The following SSC4D variants were observed in gnomAD, a reference collection of about 807,000 sequenced individuals.
SSC4D encodes the protein scavenger receptor cysteine-rich domain-containing group B protein.
A neutral mutation model predicts 63.4 loss-of-function variants in SSC4D; 57 were observed. That is an observed-to-expected ratio of 0.90 (90% confidence interval 0.73 to 1.12). The LOEUF is 1.12. SSC4D is among the 50% of genes most tolerant of loss of function. The probability of loss-of-function intolerance (pLI) is 0.00; values close to 1 mark genes in which losing one functional copy is unlikely to be tolerated. For missense variants in SSC4D, 791 were observed against 806.4 expected, an observed-to-expected ratio of 0.98 and a Z score of 0.23; for synonymous variants, 352 against 345.4, an observed-to-expected ratio of 1.02 and a Z score of -0.21.
At chr7:76,397,459 A>C (rs562448682) in intron 6 of SSC4D, 59 bp downstream of exon 6, 25 of 1,435,402 alleles carry the variant, frequency 1.7e-5, no homozygotes, top group Non-Finnish European at 2.2e-5. Context: ...CTCCTCCAGC[A>C]TTGCCACAGG....
rs139031646 is a variant in SSC4D, at chr7:76,399,426, T to C, written c.476-629A>G. On this transcript the variant is annotated intron_variant, in intron 4 of 10. Coordinates refer to ENST00000275560, the MANE Select transcript of SSC4D (RefSeq NM_080744.2). Reference sequence around the variant, plus strand: ...AACTCTGGGATTGGGCCTCAATCTGTGTTTTCATGAGACCCCCTGATTTTC... The same window carrying C: ...AACTCTGGGATTGGGCCTCAATCTGCGTTTTCATGAGACCCCCTGATTTTC... Among the ~76,000 whole-genome samples the C allele has an allele frequency of 4.5e-3, 689 of 152,288 alleles. 8 individuals are homozygous for C. The highest frequency in any genetic ancestry group is 0.016 in the African/African-American group (657 of 41,560).
chr7:76,392,570 C>T (rs1804516066), intron 9 of SSC4D, among the ~76,000 whole-genome samples: 1 of 150,458 alleles, frequency 6.6e-6, no homozygotes, highest in South Asian at 2.1e-4. Context: ...GTGAGAGGAT[C>T]GCTTGAAGCC....
At chr7:76,404,567 G>T in intron 1 of SSC4D, 62 bp from the exon 2 acceptor site, 1 of 1,412,620 alleles carries the variant, frequency 7.1e-7, no homozygotes. Flanking sequence ...CGAGGTGGGA[G>T]GATTGCTTGC....
At chr7:76,407,865 A>G (rs1380618589) in intron 1 of SSC4D, among the ~76,000 whole-genome samples, 2 of 152,172 alleles carry the variant, frequency 1.3e-5, no homozygotes, top group African/African-American at 4.8e-5. Context: ...GGTCTGATGC[A>G]TTGTGTGCAC....
intron 10 of SSC4D, among the ~76,000 whole-genome samples, chr7:76,391,203 G>C (rs1804487908): frequency 6.6e-6 from 1 of 151,934 alleles, no homozygotes; most frequent in Admixed American, 6.6e-5. Context: ...GGAAGCCAAG[G>C]CTGGTGGATC....
Position 76,400,572 on chromosome 7 carries a change from G to C in SSC4D, c.189C>G (p.Gly63=). The C allele has an allele frequency of 6.7e-7, 1 of 1,484,130 alleles. No homozygotes were observed. The highest frequency in any genetic ancestry group is 9.0e-7 in the Non-Finnish European group (1 of 1,112,956). The allele number at this position is 1,484,130 out of a possible 1,614,324, so 91.9% of individuals were successfully genotyped here. The change falls in exon 4 of 11, where the codon GGC becomes GGG. Residue 63 remains glycine (G), a synonymous_variant. Transcript: ENST00000275560. ...LPFQELRLVG[G]PSRCRGRLEV... is the part of the protein sequence containing the mutation. ...CCAGGCGGCCCCGGCAGCGGCTGGGGCCCCCCACCAGCCTCAGCTCTGTGA... is the reference window on the plus strand; with the variant it reads ...CCAGGCGGCCCCGGCAGCGGCTGGGCCCCCCCACCAGCCTCAGCTCTGTGA...
rs1024208117 is a variant in SSC4D at position 76,393,322 on chromosome 7, G to T, written c.1333+83C>A. ...CCCGGGCGGCAGTGCCGCAAGAGAG[G>T]CCTCGCGCGTGGCGCCGCCCCGCCC... On this transcript the variant is annotated intron_variant, in intron 9 of 10. Transcript: ENST00000275560. The T allele has an allele frequency of 2.4e-6, 3 of 1,260,254 alleles. No homozygotes were observed. The Admixed American group carries it at 1.3e-4, about 53-fold the overall frequency. 78.1% of individuals were successfully genotyped at this position (1,260,254 alleles called of 1,614,324 possible).
In SSC4D at chr7:76,395,285, C is replaced by A; in HGVS notation, c.914G>T (p.Arg305Ile). 6.2e-7 allele frequency: 1 copy of A among 1,613,926 alleles called. No individual in the cohort carries two copies. Among genetic ancestry groups the A allele is most frequent in the Non-Finnish European group, 8.5e-7 (1 of 1,180,038 alleles). Reference protein sequence around the residue: ...TLTALPSSATREDWAWQTDPS... With the variant: ...TLTALPSSATIEDWAWQTDPS... ...ATCTGTCTGCCAAGCCCAGTCCTCT[C>A]TTGTGGCTGAGGATGGCAGTGCTGT... is the stretch of plus-strand genomic sequence containing the variant. Residue 305 changes from arginine to isoleucine, a missense_variant, in exon 7 of 11, where the codon AGA (arginine) becomes ATA (isoleucine). By Grantham distance (97) the Arg-to-Ile change is moderately conservative. Coordinates refer to ENST00000275560, the MANE Select transcript of SSC4D (RefSeq NM_080744.2).
At position 76,400,555 on chromosome 7, in the gene SSC4D, C is replaced by A; in HGVS notation, c.206G>T (p.Gly69Val). 2 of 1,509,924 alleles carry A rather than the reference C, an allele frequency of 1.3e-6. No homozygotes were observed. Among genetic ancestry groups the A allele is most frequent in the Non-Finnish European group, 1.8e-6 (2 of 1,125,952 alleles). 93.5% of individuals were successfully genotyped at this position (1,509,924 alleles called of 1,614,324 possible). ...GCCACCGTGCATGACTTCCAGGCGGCCCCGGCAGCGGCTGGGGCCCCCCAC... is the reference window on the plus strand; with the variant it reads ...GCCACCGTGCATGACTTCCAGGCGGACCCGGCAGCGGCTGGGGCCCCCCAC... ...RLVGGPSRCR[G>V]RLEVMHGGSW... Residue 69 changes from glycine (G) to valine (V), a missense_variant, in exon 4 of 11, where the codon GGC becomes GTC. Transcript: ENST00000275560.
chr7:76,393,374 C>G lies in SSC4D; in HGVS notation c.1333+31G>C, dbSNP rs112381246. On this transcript the variant is annotated intron_variant, in intron 9 of 10. Coordinates refer to ENST00000275560, the MANE Select transcript of SSC4D (RefSeq NM_080744.2). ...TCCCACGCCGCAGTGCGCGGCCCCG[C>G]TGTCAGCCTCACCTTCGCTGTCAGC... The G allele has an allele frequency of 5.8e-3, 7,665 of 1,320,330 alleles. 31 individuals carry two copies. Among genetic ancestry groups the G allele is most frequent in the Non-Finnish European group, 6.8e-3 (6,996 of 1,032,206 alleles). The allele number at this position is 1,320,330 out of a possible 1,614,324, so 81.8% of individuals were successfully genotyped here.
Position 76,395,317 on chromosome 7 carries a change from T to A in SSC4D, c.882A>T (p.Pro294=), listed in dbSNP as rs766726854. ...CTGAGGATGGCAGTGCTGTGAGCGT[T>A]GGGGGACCCAGGCCTAGGGCAGGAG... ...AGALCAGLGP[P]TLTALPSSAT... is the part of the protein sequence containing the mutation. The change falls in exon 7 of 11, where the codon CCA becomes CCT. Residue 294 remains proline (P), a synonymous_variant. Transcript: ENST00000275560. 6.2e-7 allele frequency: 1 copy of A among 1,613,890 alleles called. No individual in the cohort carries two copies. The highest frequency in any genetic ancestry group is 1.1e-5 in the South Asian group (1 of 91,054).
At chr7:76,392,443 A>G (rs2903811) in intron 9 of SSC4D, among the ~76,000 whole-genome samples, 67,324 of 150,886 alleles carry the variant, frequency 0.45, 15,318 homozygotes, top group South Asian at 0.52. Context: ...CCAGCTACTC[A>G]GGAGGCTGAG....
chr7:76,396,981 A>T (rs1202577578), intron 6 of SSC4D, among the ~76,000 whole-genome samples: 2 of 152,096 alleles, frequency 1.3e-5, no homozygotes, highest in Non-Finnish European at 2.9e-5. Context: ...CTAGAGTGTT[A>T]CTCTAAAGTG....
intron 1 of SSC4D, among the ~76,000 whole-genome samples, chr7:76,407,258 G>A (rs777392535): frequency 6.6e-6 from 1 of 152,088 alleles, no homozygotes; most frequent in Non-Finnish European, 1.5e-5. Context: ...ACCAGGCTTG[G>A]CCCTGATTTA....
At chr7:76,408,940 C>T (rs765733786) in intron 1 of SSC4D, among the ~76,000 whole-genome samples, 2 of 152,158 alleles carry the variant, frequency 1.3e-5, no homozygotes, top group African/African-American at 4.8e-5. Flanking sequence ...ATGACCTTCA[C>T]CTTGCAAAGC....
At chr7:76,408,307 A>G (rs1805114267) in intron 1 of SSC4D, among the ~76,000 whole-genome samples, 1 of 152,158 alleles carries the variant, frequency 6.6e-6, no homozygotes, top group South Asian at 2.1e-4. Context: ...GGCCCAGGAC[A>G]GCCCCCAGTG....
intron 6 of SSC4D, 146 bp from the exon 7 acceptor site, chr7:76,395,476 T>G (rs959722377): frequency 2.7e-6 from 2 of 741,152 alleles, no homozygotes; most frequent in African/African-American, 1.7e-5. Flanking sequence ...GCAGCGGGGT[T>G]CCAAGGAGGC....
chr7:76,400,988 G>A lies in SSC4D; in HGVS notation c.169+20C>T. 6.4e-7 allele frequency: 1 copy of A among 1,551,086 alleles called. No homozygotes were observed. The highest frequency in any genetic ancestry group is 8.7e-7 in the Non-Finnish European group (1 of 1,146,742). ...CTGGCGGACAGGTGAGGGTGAGGAA[G>A]GGCGGGGTGGGGCACCTACCTTGAA... is the stretch of plus-strand genomic sequence containing the variant. On this transcript the variant is annotated intron_variant, in intron 3 of 10. Transcript: ENST00000275560.
Position 76,394,768 on chromosome 7 carries a change from T to TATATATATATATATATATATATAA in SSC4D, c.946+484_946+485insTTATATATATATATATATATATAT, listed in dbSNP as rs1554621451. ...TGTATAATATATATATATATATATATAAAATATGTATAATATATATGATAT... is the reference window on the plus strand; with the variant it reads ...TGTATAATATATATATATATATATATATATATATATATATATATATATAAAAAATATGTATAATATATATGATAT... On this transcript the variant is annotated intron_variant, in intron 7 of 10. Transcript: ENST00000275560. Among the ~76,000 whole-genome samples the TATATATATATATATATATATATAA allele has an allele frequency of 3.8e-4, 47 of 122,108 alleles. 1 individual carries two copies. Among genetic ancestry groups the TATATATATATATATATATATATAA allele is most frequent in the African/African-American group, 1.5e-3 (44 of 29,574 alleles). The allele number at this position is 122,108 out of a possible 152,430, so 80.1% of individuals were successfully genotyped here.
Sources: allele counts gnomAD v4.1 joint callset (sites outside exome capture counted in the v4.1 genomes callset), GRCh38; gene constraint gnomAD v4.1.1; transcripts MANE v1.5; gene names NCBI Gene and HGNC (gene_info 2026-07-23, HGNC 2026-07-21).